Variants in FEZ1 observed in about 807,000 individuals in gnomAD.
FEZ1 encodes fasciculation and elongation protein zeta 1.
In FEZ1, 20 loss-of-function variants were observed where a neutral mutation model predicts 49.3. That is an observed-to-expected ratio of 0.41 (90% CI 0.29 to 0.59). FEZ1 has a LOEUF of 0.59. Among genes scored for constraint, FEZ1 ranks in the 20% least tolerant of loss-of-function variants. The pLI, the probability that FEZ1 is intolerant of heterozygous loss-of-function variation, is 0.36. For synonymous variants in FEZ1, 170 were observed against 180.9 expected (o/e 0.94, Z 0.48); for missense variants, 413 against 476.0 (o/e 0.87, Z 1.23).
At chr11:125,465,907 G>C (rs186928965) in intron 3 of FEZ1, among the ~76,000 whole-genome samples, 3 of 152,002 alleles carry the variant, frequency 2.0e-5, no homozygotes, top group Admixed American at 6.6e-5. Context: ...GCCTCTTTAC[G>C]GGCACTGTTT....
chr11:125,469,352 C>A (rs1001219276), intron 3 of FEZ1, among the ~76,000 whole-genome samples: 3 of 152,150 alleles, frequency 2.0e-5, no homozygotes. Context: ...TCTGCCTCCC[C>A]GGCTCAAGCA....
At chr11:125,447,595 G>A (rs1956909759) in intron 9 of FEZ1, among the ~76,000 whole-genome samples, 1 of 152,194 alleles carries the variant, frequency 6.6e-6, no homozygotes, top group South Asian at 2.1e-4. Flanking sequence ...GCCAAGGCGA[G>A]TGGATCACCT....
rs1475598095 is a variant in FEZ1, at chr11:125,495,145, C to T, written c.-46+976G>A. 1 of 348,278 alleles carries T rather than the reference C, an allele frequency of 2.9e-6. No individual in the cohort carries two copies. Among genetic ancestry groups the T allele is most frequent in the Non-Finnish European group, 5.9e-6 (1 of 168,470 alleles). The allele number at this position is 348,278 out of a possible 1,614,324, so 21.6% of individuals were successfully genotyped here. ...CTCCCCTCCCCCTCCTCCCGCTGCT[C>T]CATTCACCTCCATCTCAGATCCCCC... On this transcript the variant is annotated intron_variant, in intron 1 of 9. Transcript: ENST00000278919. This position sits in a 1 kb window ranked among gnomAD's most constrained non-coding sequence, Gnocchi z 4.2.
In FEZ1 at chr11:125,495,709, G is replaced by T; in HGVS notation, c.-46+412C>A. ...CGAGGTACCGACCCACTGCCCCAGC[G>T]CGATCGGGCGGCGTTCCCTTCTTCC... On this transcript the variant is annotated intron_variant, in intron 1 of 9. Transcript: ENST00000278919. This position sits in a 1 kb window ranked among gnomAD's most constrained non-coding sequence, Gnocchi z 4.2. The T allele has an allele frequency of 2.8e-6, 1 of 357,670 alleles. No homozygotes were observed. Among genetic ancestry groups the T allele is most frequent in the Non-Finnish European group, 5.6e-6 (1 of 180,062 alleles). 22.2% of individuals were successfully genotyped at this position (357,670 alleles called of 1,614,324 possible).
intron 2 of FEZ1, among the ~76,000 whole-genome samples, chr11:125,484,376 T>C (rs1235103456): frequency 6.6e-6 from 1 of 152,258 alleles, no homozygotes; most frequent in East Asian, 1.9e-4. Flanking sequence ...GCAGCACGGC[T>C]ACAGAGCCCA....
At position 125,445,146 on chromosome 11, in the gene FEZ1, T is replaced by A. The variant is rs1416860187; in HGVS notation, c.*949A>T. 6.6e-6 allele frequency among the ~76,000 whole-genome samples: 1 copy of A among 151,738 alleles called. No homozygotes were observed. The highest frequency in any genetic ancestry group is 1.5e-5 in the Non-Finnish European group (1 of 67,938). On this transcript the variant is annotated 3_prime_UTR_variant, in exon 10 of 10. Coordinates refer to ENST00000278919, the MANE Select transcript of FEZ1 (RefSeq NM_005103.5). This position sits in a 1 kb window ranked among gnomAD's most constrained non-coding sequence, Gnocchi z 4.4. The stretch of plus-strand genomic sequence containing the variant: ...TCAATGCTGGAGACAGTGCGAGGAG[T>A]CAGAGCTGCTGTTCATGGAGGGCCG...
In FEZ1 at chr11:125,444,389, C is replaced by A. The variant is rs969186789; in HGVS notation, c.*1706G>T. On this transcript the variant is annotated 3_prime_UTR_variant, in exon 10 of 10. Transcript: ENST00000278919. ...TCGCCTGAGGTCGGGAGTTCGAGAC[C>A]AACCTGACCAACATGTAGAAACCTG... 6.6e-5 allele frequency among the ~76,000 whole-genome samples: 10 copies of A among 152,156 alleles called. No individual in the cohort carries two copies. The highest frequency in any genetic ancestry group is 1.5e-4 in the Non-Finnish European group (10 of 68,018).
intron 1 of FEZ1, among the ~76,000 whole-genome samples, chr11:125,493,433 G>A (rs868778432): frequency 0.028 from 900 of 31,720 alleles, 6 homozygotes; most frequent in African/African-American, 0.062. Context: ...AAGGAAAGAA[G>A]GAAAGAAGGA....
rs1555044345 is a variant in FEZ1, at chr11:125,496,221, G to GAGCAAGCC, written c.-147_-146insGGCTTGCT. The GAGCAAGCC allele has an allele frequency of 6.5e-6, 1 of 152,892 alleles. No homozygotes were observed. Among genetic ancestry groups the GAGCAAGCC allele is most frequent in the Non-Finnish European group, 1.5e-5 (1 of 68,766 alleles). 9.5% of individuals were successfully genotyped at this position (152,892 alleles called of 1,614,324 possible). On this transcript the variant is annotated 5_prime_UTR_variant, in exon 1 of 10. Transcript: ENST00000278919. Reference sequence around the variant, plus strand: ...CCGGAGCGCAGCGCAGCGCAGCGGAGAGCCAGCCAGCCAGCCAGCCAGCGA... The same window carrying GAGCAAGCC: ...CCGGAGCGCAGCGCAGCGCAGCGGAGAGCAAGCCAGCCAGCCAGCCAGCCAGCCAGCGA...
At chr11:125,494,485 TA>T (rs1180761693) in intron 1 of FEZ1, among the ~76,000 whole-genome samples, 6 of 152,228 alleles carry the variant, frequency 3.9e-5, no homozygotes, top group African/African-American at 4.8e-5. Flanking sequence ...TTCTTTTCCT[TA>T]AAGTAGGATT....
At position 125,489,353 on chromosome 11, in the gene FEZ1, C is replaced by T. The variant is rs902959769; in HGVS notation, c.311+114G>A. Reference sequence around the variant, plus strand: ...CCAGGGCACTGCTCCGCTGGCAACACGAAAATGAAAGTAATAGCCCATAAA... The same window carrying T: ...CCAGGGCACTGCTCCGCTGGCAACATGAAAATGAAAGTAATAGCCCATAAA... On this transcript the variant is annotated intron_variant, in intron 2 of 9. Coordinates refer to ENST00000278919, the MANE Select transcript of FEZ1 (RefSeq NM_005103.5). The surrounding 1 kb of genome is among the most constrained non-coding windows in gnomAD (Gnocchi z 4.2). The T allele has an allele frequency of 5.5e-5, 81 of 1,484,690 alleles. No homozygotes were observed. The highest frequency in any genetic ancestry group is 6.8e-5 in the Non-Finnish European group (76 of 1,119,616). 92.0% of individuals were successfully genotyped at this position (1,484,690 alleles called of 1,614,324 possible).
rs941465113 is a variant in FEZ1, at chr11:125,454,664, T to C, written c.940-454A>G. Among the ~76,000 whole-genome samples, 3 of 151,972 alleles carry C rather than the reference T, an allele frequency of 2.0e-5. No individual in the cohort carries two copies. In the South Asian group the frequency reaches 6.3e-4, roughly 32 times the overall value. On this transcript the variant is annotated intron_variant, in intron 6 of 9. Coordinates refer to ENST00000278919, the MANE Select transcript of FEZ1 (RefSeq NM_005103.5). ...AATTCCATAGGTCTGTGATAGAGCC[T>C]AGGGAAAGGCATTTTGAAAAAAACT...
At chr11:125,462,507 C>G (rs1380266322) in intron 4 of FEZ1, among the ~76,000 whole-genome samples, 1 of 152,132 alleles carries the variant, frequency 6.6e-6, no homozygotes, top group African/African-American at 2.4e-5. Context: ...ATTTGGGACC[C>G]TTGTTTGAGT....
intron 5 of FEZ1, among the ~76,000 whole-genome samples, chr11:125,457,262 T>C (rs1269211275): frequency 6.8e-6 from 1 of 146,964 alleles, no homozygotes; most frequent in Non-Finnish European, 1.5e-5. Flanking sequence ...AAAATTCTTT[T>C]AAACACTTAA....
chr11:125,461,476 G>A (rs1336459538), intron 4 of FEZ1, among the ~76,000 whole-genome samples: 1 of 152,130 alleles, frequency 6.6e-6, no homozygotes, highest in Non-Finnish European at 1.5e-5. Context: ...TTGTGGTGAC[G>A]TGTGTCTGTA....
chr11:125,487,996 G>T (rs970364235), intron 2 of FEZ1, among the ~76,000 whole-genome samples: 2 of 152,136 alleles, frequency 1.3e-5, no homozygotes, highest in African/African-American at 4.8e-5. Flanking sequence ...CACAAAAAGG[G>T]AAACAAAAGC....
chr11:125,464,257 C>T (rs189762733), intron 3 of FEZ1, among the ~76,000 whole-genome samples: 39 of 152,350 alleles, frequency 2.6e-4, no homozygotes, highest in Admixed American at 3.9e-4. Context: ...TCAAAGTTCA[C>T]AGCCATCAAA....
intron 9 of FEZ1, among the ~76,000 whole-genome samples, 180 bp from the exon 10 acceptor site, chr11:125,446,291 C>T (rs963458479): frequency 5.3e-5 from 8 of 152,168 alleles, no homozygotes; most frequent in East Asian, 1.9e-4. Context: ...AATAACTAAG[C>T]GTGTAGTCTC....
At chr11:125,488,549 G>A (rs755003494) in intron 2 of FEZ1, 22 of 168,046 alleles carry the variant, frequency 1.3e-4, no homozygotes, top group Non-Finnish European at 1.6e-4. Flanking sequence ...GCATGGTGGC[G>A]CACACCTGTA....
Sources: gnomAD v4.1 joint callset for allele counts (sites outside exome capture counted in the v4.1 genomes callset) on GRCh38, gnomAD v4.1.1 for gene constraint, Gnocchi (gnomAD v3.1) non-coding constraint, MANE v1.5 for transcripts, NCBI Gene and HGNC (gene_info 2026-07-23, HGNC 2026-07-21) for gene names.